Variants in HMCN1 observed in about 807,000 individuals in gnomAD.
The protein encoded by HMCN1 is hemicentin 1, also known as hemicentin-1.
A neutral mutation model predicts 625.9 loss-of-function variants in HMCN1; 321 were observed. The ratio of observed to expected loss-of-function variants is 0.51; its 90% CI spans 0.47 to 0.56. The LOEUF is 0.56. Ranked by LOEUF, HMCN1 falls within the 20% of genes least tolerant of loss-of-function variation. The pLI is 0.00. For synonymous variants in HMCN1, 2,425 were observed against 2,417.6 expected (o/e 1.00, Z -0.09); for missense variants, 6,588 against 6,887.3 (o/e 0.96, Z 1.54).
chr1:186,094,127 C>A (rs1015930263), intron 66 of HMCN1, 149 bp from the exon 67 acceptor site: 5 of 701,616 alleles, frequency 7.1e-6, no homozygotes, highest in Non-Finnish European at 1.3e-5. Flanking sequence ...TTTGAGGCCC[C>A]TATATTTTGT....
At chr1:186,183,900 G>A (rs556407734) in intron 105 of HMCN1, among the ~76,000 whole-genome samples, 1 of 152,092 alleles carries the variant, frequency 6.6e-6, no homozygotes, top group South Asian at 2.1e-4. Flanking sequence ...AAGGAGTGGC[G>A]ATGCCCACAC....
chr1:185,789,565 A>G (rs1186121983), intron 1 of HMCN1, among the ~76,000 whole-genome samples: 3 of 152,366 alleles, frequency 2.0e-5, no homozygotes, highest in South Asian at 4.1e-4. Flanking sequence ...AAATAGGATC[A>G]TAAATTTTAT....
Position 185,769,329 on chromosome 1 carries a change from C to T in HMCN1, c.268+34282C>T, listed in dbSNP as rs559348602. On this transcript the variant is annotated intron_variant, in intron 1 of 106. Transcript: ENST00000271588. Reference sequence around the variant, plus strand: ...TGAGCATGATGGCATGCACCTGTTGCCCCAGCTACTCAGAAGGCTGAGATG... The same window carrying T: ...TGAGCATGATGGCATGCACCTGTTGTCCCAGCTACTCAGAAGGCTGAGATG... Among the ~76,000 whole-genome samples the T allele has an allele frequency of 3.2e-3, 485 of 152,020 alleles. 4 individuals are homozygous for T. Among genetic ancestry groups the T allele is most frequent in the African/African-American group, 0.011 (461 of 41,464 alleles).
chr1:185,968,520 A>T (rs1055009984), intron 14 of HMCN1, among the ~76,000 whole-genome samples: 9 of 151,226 alleles, frequency 6.0e-5, no homozygotes, highest in Admixed American at 5.9e-4. Context: ...CATAATCCAC[A>T]TAAAAATTCA....
chr1:186,099,365 C>A (rs1660287142), intron 68 of HMCN1, among the ~76,000 whole-genome samples: 1 of 151,990 alleles, frequency 6.6e-6, no homozygotes, highest in African/African-American at 2.4e-5. Flanking sequence ...AATTCCTGTA[C>A]ATCAATTCAC....
At chr1:185,922,627 T>G in intron 7 of HMCN1, 128 bp downstream of exon 7, 2 of 857,532 alleles carry the variant, frequency 2.3e-6, no homozygotes, top group Admixed American at 2.1e-5. Flanking sequence ...TAAATGTGAC[T>G]GTTCTCTTGG....
intron 11 of HMCN1, among the ~76,000 whole-genome samples, chr1:185,943,173 T>C (rs1172883924): frequency 6.6e-6 from 1 of 152,100 alleles, no homozygotes; most frequent in African/African-American, 2.4e-5. Context: ...GTAAAGTGTT[T>C]TCCTGCGCTC....
intron 1 of HMCN1, among the ~76,000 whole-genome samples, chr1:185,749,736 G>A (rs187862033): frequency 3.5e-4 from 54 of 152,198 alleles, no homozygotes; most frequent in Non-Finnish European, 6.3e-4. Flanking sequence ...AACTGCTCTC[G>A]CTGCTGTTCT....
At chr1:185,877,641 A>T (rs537407690) in intron 4 of HMCN1, among the ~76,000 whole-genome samples, 2 of 151,912 alleles carry the variant, frequency 1.3e-5, no homozygotes, top group African/African-American at 4.8e-5. Context: ...AATTTCTTTC[A>T]TCAGTGTTTG....
intron 1 of HMCN1, among the ~76,000 whole-genome samples, chr1:185,756,256 TA>T (rs1300819393): frequency 6.6e-6 from 1 of 152,190 alleles, no homozygotes; most frequent in Non-Finnish European, 1.5e-5. Flanking sequence ...TATTCCCTTT[TA>T]TGCATGTGTT....
At chr1:185,883,236 A>C (rs1435091352) in intron 4 of HMCN1, among the ~76,000 whole-genome samples, 2 of 152,064 alleles carry the variant, frequency 1.3e-5, no homozygotes, top group South Asian at 4.1e-4. Context: ...ATATATGCTA[A>C]AATACTCACA....
At chr1:185,778,199 T>G (rs1170693603) in intron 1 of HMCN1, among the ~76,000 whole-genome samples, 1 of 152,144 alleles carries the variant, frequency 6.6e-6, no homozygotes, top group African/African-American at 2.4e-5. Context: ...GATTCCTGAC[T>G]CTTTTTAGTC....
In HMCN1 at chr1:186,188,000, C is replaced by T. The variant is rs762279341; in HGVS notation, c.16532C>T (p.Pro5511Leu). The change falls in exon 106 of 107, where the codon CCT (proline) becomes CTT (leucine). Residue 5511 changes from proline (P) to leucine (L), a missense_variant. This residue lies in a region of HMCN1 where 1,954 missense variants were observed against 2,013.1 expected (regional missense o/e 0.97). Transcript: ENST00000271588. ...TPCPPNYQRDPVSGFCLKNCP... is the reference protein window; with the variant it reads ...TPCPPNYQRDLVSGFCLKNCP... ...TGTCCACCCAACTACCAACGGGATC[C>T]TGTTTCAGGGTATGTCTTGCCTTCT... is the stretch of plus-strand genomic sequence containing the variant. 5 of 1,613,824 alleles carry T rather than the reference C, an allele frequency of 3.1e-6. No individual in the cohort carries two copies. In the Admixed American group the frequency reaches 8.3e-5, roughly 27 times the overall value.
chr1:186,012,389 G>GT (rs934561382), intron 30 of HMCN1, among the ~76,000 whole-genome samples: 31 of 150,534 alleles, frequency 2.1e-4, no homozygotes, highest in East Asian at 3.9e-4. Context: ...AATCCTTCAG[G>GT]TTTTTTTTGG....
intron 84 of HMCN1, 61 bp from the exon 85 acceptor site, chr1:186,130,446 G>A: frequency 6.6e-7 from 1 of 1,526,386 alleles, no homozygotes; most frequent in Non-Finnish European, 9.1e-7. Context: ...ATAGGTCAAA[G>A]ATCACAAAGA....
intron 36 of HMCN1, among the ~76,000 whole-genome samples, chr1:186,037,200 C>G (rs1655891046): frequency 6.6e-6 from 1 of 151,820 alleles, no homozygotes; most frequent in Non-Finnish European, 1.5e-5. Context: ...ACAACATCTT[C>G]TTCAAACAAG....
chr1:186,136,901 G>T lies in HMCN1; in HGVS notation c.13546G>T (p.Gly4516Cys). 1 of 1,613,958 alleles carries T rather than the reference G, an allele frequency of 6.2e-7. No homozygotes were observed. The highest frequency in any genetic ancestry group is 8.5e-7 in the Non-Finnish European group (1 of 1,179,918). ...EFECVARNLMGSVLVRVPVIV... is the reference protein window; with the variant it reads ...EFECVARNLMCSVLVRVPVIV... The stretch of plus-strand genomic sequence containing the variant: ...TGAATGTGTTGCTCGAAACTTAATG[G>T]GTTCTGTCCTTGTCAGAGTGCCAGT... The change falls in exon 87 of 107, where the codon GGT (glycine) becomes TGT (cysteine). Residue 4516 changes from glycine to cysteine, a missense_variant. Physicochemically the swap from Gly to Cys is radical, Grantham distance 159. Coordinates refer to ENST00000271588, the MANE Select transcript of HMCN1 (RefSeq NM_031935.3).
At chr1:185,797,692 C>A (rs1463853736) in intron 1 of HMCN1, among the ~76,000 whole-genome samples, 1 of 128,386 alleles carries the variant, frequency 7.8e-6, no homozygotes, top group Admixed American at 7.0e-5. Context: ...TTTGGCCGGG[C>A]GCGGTGGCTC....
In HMCN1 at chr1:185,778,238, A is replaced by G. The variant is rs3955247; in HGVS notation, c.268+43191A>G. Among the ~76,000 whole-genome samples the G allele has an allele frequency of 7.2e-4, 109 of 152,302 alleles. 1 individual carries two copies. Among genetic ancestry groups the G allele is most frequent in the African/African-American group, 2.6e-3 (109 of 41,572 alleles). Reference sequence around the variant, plus strand: ...GAGGGACAAACTGTGGATTTTGGACATGACATATAGTTCACAGAGGTATGG... The same window carrying G: ...GAGGGACAAACTGTGGATTTTGGACGTGACATATAGTTCACAGAGGTATGG... On this transcript the variant is annotated intron_variant, in intron 1 of 106. Coordinates refer to ENST00000271588, the MANE Select transcript of HMCN1 (RefSeq NM_031935.3).
Sources: allele counts gnomAD v4.1 joint callset (sites outside exome capture counted in the v4.1 genomes callset), GRCh38; gene constraint gnomAD v4.1.1; regional missense constraint gnomAD v4.1.1; transcripts MANE v1.5; gene names NCBI Gene and HGNC (gene_info 2026-07-23, HGNC 2026-07-21).